XKR4: variants seen among roughly 807,000 people sequenced by gnomAD.
XKR4 encodes the protein XK related 4, also known as XK-related protein 4.
XKR4 carries 12 observed loss-of-function variants against 53.9 expected under a neutral mutation model. The observed-to-expected ratio is 0.22, with a 90% confidence interval of 0.14 to 0.36. The LOEUF is 0.36. Ranked by LOEUF, XKR4 falls within the 10% of genes least tolerant of loss-of-function variation. XKR4 has a pLI of 1.00. For missense variants in XKR4, 799 were observed against 859.5 expected (o/e 0.93, Z 0.88); for synonymous variants, 354 against 362.4 (o/e 0.98, Z 0.26).
chr8:55,294,792 T>C (rs1214297337), intron 1 of XKR4, among the ~76,000 whole-genome samples: 1 of 152,206 alleles, frequency 6.6e-6, no homozygotes, highest in African/African-American at 2.4e-5. Context: ...GGTGAGTGTT[T>C]GCAGCCTTTG....
intron 2 of XKR4, among the ~76,000 whole-genome samples, chr8:55,441,209 C>T (rs1417629022): frequency 6.6e-6 from 1 of 151,954 alleles, no homozygotes; most frequent in Non-Finnish European, 1.5e-5. Flanking sequence ...TACTGCACTA[C>T]AGCCTGGGTG....
chr8:55,130,111 A>G (rs1022482097), intron 1 of XKR4, among the ~76,000 whole-genome samples: 26 of 152,330 alleles, frequency 1.7e-4, no homozygotes, highest in Admixed American at 1.4e-3. Context: ...TTCAGCTCCA[A>G]TCAGCTGTTT....
chr8:55,122,993 C>T (rs1450878457), intron 1 of XKR4, among the ~76,000 whole-genome samples: 4 of 152,134 alleles, frequency 2.6e-5, no homozygotes, highest in African/African-American at 9.7e-5. Context: ...CCACTTGTAC[C>T]TGACATTTAT....
At chr8:55,476,701 C>A (rs10958458) in intron 2 of XKR4, among the ~76,000 whole-genome samples, 15 of 151,990 alleles carry the variant, frequency 9.9e-5, no homozygotes, top group African/African-American at 3.4e-4. Flanking sequence ...CCTAATACTG[C>A]GCTTTTCCAA....
intron 2 of XKR4, chr8:55,452,136 G>T: frequency 1.4e-6 from 1 of 700,714 alleles, no homozygotes. Flanking sequence ...GACATCCGGT[G>T]TGTACCGCAG....
At chr8:55,414,603 A>G (rs901757525) in intron 2 of XKR4, among the ~76,000 whole-genome samples, 7 of 151,386 alleles carry the variant, frequency 4.6e-5, no homozygotes, top group South Asian at 2.1e-4. Context: ...ACTATATTCT[A>G]TTTAAGTCCA....
intron 1 of XKR4, among the ~76,000 whole-genome samples, chr8:55,305,584 A>T (rs940155199): frequency 1.3e-5 from 2 of 152,202 alleles, no homozygotes; most frequent in Admixed American, 1.3e-4. Context: ...GACTTTATCT[A>T]TGTAAATTGG....
chr8:55,426,996 T>G, intron 2 of XKR4, among the ~76,000 whole-genome samples: 1 of 152,202 alleles, frequency 6.6e-6, no homozygotes, highest in East Asian at 1.9e-4. Flanking sequence ...CAGCAAATTA[T>G]TTACCAGAAT....
Position 55,326,470 on chromosome 8 carries a change from T to G in XKR4, c.807-31208T>G, listed in dbSNP as rs1037350423. The stretch of plus-strand genomic sequence containing the variant: ...TTCCCCTCAACTGATTTTTTTTCCT[T>G]TTTTTTTTTTTTTTTTTGGAAACAG... On this transcript the variant is annotated intron_variant, in intron 1 of 2. Transcript: ENST00000327381. 9.0e-5 allele frequency among the ~76,000 whole-genome samples: 13 copies of G among 144,558 alleles called. No homozygotes were observed. In the South Asian group the frequency reaches 2.9e-3, roughly 32 times the overall value. 94.8% of individuals were successfully genotyped at this position (144,558 alleles called of 152,430 possible).
intron 1 of XKR4, among the ~76,000 whole-genome samples, chr8:55,294,316 G>C (rs1168800344): frequency 6.6e-6 from 1 of 152,154 alleles, no homozygotes; most frequent in Non-Finnish European, 1.5e-5. Flanking sequence ...ACTTGATTGG[G>C]TAAATATACA....
At chr8:55,109,096 A>C (rs928019820) in intron 1 of XKR4, among the ~76,000 whole-genome samples, 1 of 152,170 alleles carries the variant, frequency 6.6e-6, no homozygotes, top group African/African-American at 2.4e-5. Context: ...CTATAGGAAG[A>C]GATTTTGAAT....
chr8:55,314,396 C>T (rs956444173), intron 1 of XKR4, among the ~76,000 whole-genome samples: 4 of 152,068 alleles, frequency 2.6e-5, no homozygotes, highest in Non-Finnish European at 5.9e-5. Context: ...CCCTGGGATG[C>T]CCATTCTGCC....
intron 1 of XKR4, among the ~76,000 whole-genome samples, chr8:55,339,237 T>A (rs944023816): frequency 3.9e-5 from 6 of 152,118 alleles, no homozygotes; most frequent in Admixed American, 2.0e-4. Flanking sequence ...CCAACACAAA[T>A]GGCATCTATG....
chr8:55,332,375 G>A (rs779664363), intron 1 of XKR4, among the ~76,000 whole-genome samples: 1 of 152,042 alleles, frequency 6.6e-6, no homozygotes, highest in East Asian at 1.9e-4. Flanking sequence ...ATTTATTCAT[G>A]TATTTACCTT....
chr8:55,399,210 G>A (rs1183480003), intron 2 of XKR4, among the ~76,000 whole-genome samples: 1 of 152,154 alleles, frequency 6.6e-6, no homozygotes, highest in Non-Finnish European at 1.5e-5. Context: ...CAACAGGACT[G>A]CATGCCAGAG....
intron 1 of XKR4, among the ~76,000 whole-genome samples, chr8:55,180,252 C>T (rs1454786146): frequency 1.3e-5 from 2 of 152,188 alleles, no homozygotes; most frequent in African/African-American, 4.8e-5. Context: ...TGTAAAGGCA[C>T]AGCTGCATGG....
At chr8:55,427,502 C>T (rs1331530258) in intron 2 of XKR4, among the ~76,000 whole-genome samples, 3 of 152,194 alleles carry the variant, frequency 2.0e-5, no homozygotes, top group African/African-American at 4.8e-5. Context: ...TGAACCACCA[C>T]ATCTGACCCT....
chr8:55,332,423 A>T (rs1358451732), intron 1 of XKR4, among the ~76,000 whole-genome samples: 1 of 152,062 alleles, frequency 6.6e-6, no homozygotes, highest in Non-Finnish European at 1.5e-5. Flanking sequence ...GCATCAAGTT[A>T]CCATCTTGCA....
Position 55,281,232 on chromosome 8 carries a change from C to T in XKR4, c.807-76446C>T, listed in dbSNP as rs141516469. Among the ~76,000 whole-genome samples the T allele has an allele frequency of 9.8e-5, 15 of 152,322 alleles. No homozygotes were observed. The East Asian group carries it at 2.9e-3, about 29-fold the overall frequency. ...TTATTCACGTATTTTAAATAAATTA[C>T]TAGTGATATTTCATAGCAATACTGG... On this transcript the variant is annotated intron_variant, in intron 1 of 2. Coordinates refer to ENST00000327381, the MANE Select transcript of XKR4 (RefSeq NM_052898.2).
Sources: allele counts gnomAD v4.1 joint callset (sites outside exome capture counted in the v4.1 genomes callset), GRCh38; gene constraint gnomAD v4.1.1; transcripts MANE v1.5; gene names NCBI Gene and HGNC (gene_info 2026-07-23, HGNC 2026-07-21).